Variants in PDGFRL observed in about 807,000 individuals in gnomAD.
The protein encoded by PDGFRL is platelet derived growth factor receptor like.
PDGFRL carries 46 observed loss-of-function variants against 37.2 expected under a neutral mutation model. The ratio of observed to expected loss-of-function variants is 1.24; its 90% CI spans 0.98 to 1.58. PDGFRL has a LOEUF of 1.58. PDGFRL is among the 40% of genes most tolerant of loss of function. The probability of loss-of-function intolerance (pLI) is 0.00; values close to 1 mark genes in which losing one functional copy is unlikely to be tolerated. For synonymous variants in PDGFRL, 251 were observed against 184.3 expected (o/e 1.36, Z -2.93); for missense variants, 692 against 467.6 (o/e 1.48, Z -4.43).
chr8:17,633,972 G>T, intron 4 of PDGFRL, 102 bp from the exon 5 acceptor site: 1 of 1,208,050 alleles, frequency 8.3e-7, no homozygotes, highest in Non-Finnish European at 1.2e-6. Flanking sequence ...TGTGAGAAAG[G>T]CAGAAAATTC....
intron 3 of PDGFRL, among the ~76,000 whole-genome samples, chr8:17,626,833 C>T (rs1563526212): frequency 6.6e-6 from 1 of 152,134 alleles, no homozygotes; most frequent in Non-Finnish European, 1.5e-5. Flanking sequence ...GGCCAGTCCT[C>T]GTTTCTCCCA....
In PDGFRL at chr8:17,586,994, T is replaced by A. The variant is rs148325612; in HGVS notation, c.56-2474T>A. Among the ~76,000 whole-genome samples the A allele has an allele frequency of 2.0e-5, 3 of 152,222 alleles. No homozygotes were observed. The East Asian group carries it at 5.8e-4, about 29-fold the overall frequency. ...CTTATAGTATGAATTCTTGTATTTT[T>A]TAAGTCTTTGAAAAATAACCAATTG... On this transcript the variant is annotated intron_variant, in intron 1 of 5. Coordinates refer to ENST00000251630, the MANE Select transcript of PDGFRL (RefSeq NM_001372073.1).
rs759166385 is a variant in PDGFRL at position 17,634,130 on chromosome 8, G to T, written c.856G>T (p.Gly286Trp). Residue 286 changes from glycine (G) to tryptophan (W), a missense_variant, in exon 5 of 6, where the codon GGG becomes TGG. Coordinates refer to ENST00000251630, the MANE Select transcript of PDGFRL (RefSeq NM_001372073.1). ...ILASSNKVKS[G>W]DDISVLCTVL... ...GGCTTCTTCAAACAAAGTGAAAAGT[G>T]GGGACGACATCAGTGTGCTCTGCAC... is the stretch of plus-strand genomic sequence containing the variant. 2 of 1,613,370 alleles carry T rather than the reference G, an allele frequency of 1.2e-6. No individual in the cohort carries two copies. The highest frequency in any genetic ancestry group is 2.7e-5 in the African/African-American group (2 of 74,914).
Position 17,634,162 on chromosome 8 carries a change from G to T in PDGFRL, c.888G>T (p.Leu296=). The T allele has an allele frequency of 1.9e-6, 3 of 1,613,210 alleles. No individual in the cohort carries two copies. Among genetic ancestry groups the T allele is most frequent in the Non-Finnish European group, 2.5e-6 (3 of 1,179,170 alleles). Residue 296 remains leucine (L), a synonymous_variant, in exon 5 of 6, where the codon CTG becomes CTT. Coordinates refer to ENST00000251630, the MANE Select transcript of PDGFRL (RefSeq NM_001372073.1). Reference sequence around the variant, plus strand: ...ACATCAGTGTGCTCTGCACTGTCCTGGGGGAGCCCGATGTGGAGGTGGAGT... The same window carrying T: ...ACATCAGTGTGCTCTGCACTGTCCTTGGGGAGCCCGATGTGGAGGTGGAGT... The part of the protein sequence containing the change: ...GDDISVLCTV[L]GEPDVEVEFT...
At chr8:17,613,709 C>T (rs1804468467) in intron 2 of PDGFRL, among the ~76,000 whole-genome samples, 1 of 152,130 alleles carries the variant, frequency 6.6e-6, no homozygotes, top group Non-Finnish European at 1.5e-5. Context: ...AAGCCCCTGT[C>T]TCTACAGAAA....
At chr8:17,581,829 C>A (rs1803714036) in intron 1 of PDGFRL, among the ~76,000 whole-genome samples, 1 of 152,122 alleles carries the variant, frequency 6.6e-6, no homozygotes, top group Non-Finnish European at 1.5e-5. Context: ...TCTTTATAAA[C>A]AACCCAGCCC....
At chr8:17,630,877 C>T (rs912084318) in intron 4 of PDGFRL, among the ~76,000 whole-genome samples, 1 of 152,130 alleles carries the variant, frequency 6.6e-6, no homozygotes, top group Non-Finnish European at 1.5e-5. Context: ...CTCCTGGACC[C>T]TCAGCTGGAG....
At chr8:17,592,600 C>T (rs2150815022) in intron 2 of PDGFRL, among the ~76,000 whole-genome samples, 1 of 152,278 alleles carries the variant, frequency 6.6e-6, no homozygotes, top group East Asian at 1.9e-4. Context: ...GTGAGATTCT[C>T]AAAAGCGCCA....
intron 2 of PDGFRL, among the ~76,000 whole-genome samples, chr8:17,605,081 C>T (rs1419880305): frequency 2.0e-5 from 3 of 152,004 alleles, no homozygotes; most frequent in Non-Finnish European, 4.4e-5. Flanking sequence ...CATGCCACTG[C>T]GCTCCAGCTT....
chr8:17,624,809 G>A (rs1255277133), intron 3 of PDGFRL, among the ~76,000 whole-genome samples: 1 of 152,136 alleles, frequency 6.6e-6, no homozygotes, highest in Non-Finnish European at 1.5e-5. Flanking sequence ...TCGGGAGGCT[G>A]AGGCACAAGA....
intron 2 of PDGFRL, among the ~76,000 whole-genome samples, chr8:17,596,946 C>G (rs552936897): frequency 2.0e-5 from 3 of 152,314 alleles, no homozygotes; most frequent in African/African-American, 4.8e-5. Context: ...AGAATGAGTT[C>G]TTTCCAGGGC....
chr8:17,582,728 AT>A (rs940750421), intron 1 of PDGFRL, among the ~76,000 whole-genome samples: 4 of 152,316 alleles, frequency 2.6e-5, no homozygotes, highest in African/African-American at 7.2e-5. Flanking sequence ...ATGAAAGAGC[AT>A]TTTGGGAAAA....
At position 17,589,463 on chromosome 8, in the gene PDGFRL, T is replaced by C. The variant is rs990414290; in HGVS notation, c.56-5T>C. The C allele has an allele frequency of 1.2e-6, 2 of 1,607,440 alleles. No homozygotes were observed. Among genetic ancestry groups the C allele is most frequent in the Non-Finnish European group, 1.7e-6 (2 of 1,175,978 alleles). The stretch of plus-strand genomic sequence containing the variant: ...AGCGCATTTCTCTCTCCTTACGTTT[T>C]GCAGTTACTGGCCAACACCTTCCCA... On this transcript the variant is annotated splice_polypyrimidine_tract_variant and splice_region_variant and intron_variant, in intron 1 of 5. Coordinates refer to ENST00000251630, the MANE Select transcript of PDGFRL (RefSeq NM_001372073.1).
At chr8:17,628,045 G>C (rs749938950) in intron 3 of PDGFRL, among the ~76,000 whole-genome samples, 5 of 137,124 alleles carry the variant, frequency 3.6e-5, no homozygotes, top group Admixed American at 1.6e-4. Context: ...CCAGGCTGGA[G>C]TGCAGTGGCG....
chr8:17,615,658 G>C (rs112165884), intron 2 of PDGFRL, among the ~76,000 whole-genome samples: 17 of 152,312 alleles, frequency 1.1e-4, no homozygotes, highest in African/African-American at 4.1e-4. Flanking sequence ...GCTCATGCCT[G>C]TAATCCCAGC....
intron 2 of PDGFRL, among the ~76,000 whole-genome samples, chr8:17,600,616 A>C (rs1435702879): frequency 1.3e-5 from 2 of 149,120 alleles, no homozygotes; most frequent in East Asian, 3.9e-4. Flanking sequence ...CCTGAGCAAC[A>C]CAGCAAGACC....
At chr8:17,583,018 C>A (rs1315260971) in intron 1 of PDGFRL, among the ~76,000 whole-genome samples, 1 of 152,042 alleles carries the variant, frequency 6.6e-6, no homozygotes, top group African/African-American at 2.4e-5. Context: ...GCAGAAGAGG[C>A]CAATAAGCAG....
chr8:17,641,478 C>G (rs1805091514), intron 5 of PDGFRL, among the ~76,000 whole-genome samples: 1 of 152,212 alleles, frequency 6.6e-6, no homozygotes, highest in African/African-American at 2.4e-5. Context: ...CTGCTCCTTT[C>G]TATTCCTGTG....
At chr8:17,608,017 C>T (rs1051082174) in intron 2 of PDGFRL, among the ~76,000 whole-genome samples, 2 of 152,196 alleles carry the variant, frequency 1.3e-5, no homozygotes, top group Non-Finnish European at 2.9e-5. Flanking sequence ...AAGTTGCTGC[C>T]CTGGGGAGTC....
Sources: gnomAD v4.1 joint callset for allele counts (sites outside exome capture counted in the v4.1 genomes callset) on GRCh38, gnomAD v4.1.1 for gene constraint, MANE v1.5 for transcripts, NCBI Gene and HGNC (gene_info 2026-07-23, HGNC 2026-07-21) for gene names.